Variants in SLC4A9 observed in about 807,000 individuals in gnomAD.
SLC4A9 encodes the protein solute carrier family 4 member 9, also known as anion exchange protein 4.
In SLC4A9, 102 loss-of-function variants were observed where a neutral mutation model predicts 103.2. That is an observed-to-expected ratio of 0.99 (90% confidence interval 0.84 to 1.17). The LOEUF (loss-of-function observed/expected upper bound fraction) is 1.17, where lower values mean the gene tolerates loss of function less well. Ranked by LOEUF, SLC4A9 falls within the 50% of genes most tolerant of loss-of-function variation. The probability of loss-of-function intolerance (pLI) is 0.00; values close to 1 mark genes in which losing one functional copy is unlikely to be tolerated. For missense variants in SLC4A9, 1,091 were observed against 1,193.7 expected, an observed-to-expected ratio of 0.91 and a Z score of 1.27; for synonymous variants, 453 against 483.6, an observed-to-expected ratio of 0.94 and a Z score of 0.83.
intron 1 of SLC4A9, 101 bp downstream of exon 1, chr5:140,360,567 G>T (rs575558530): frequency 8.2e-7 from 1 of 1,214,968 alleles, no homozygotes; most frequent in Non-Finnish European, 1.1e-6. Flanking sequence ...CCAAAATTAG[G>T]ATTTTCCCAG....
At position 140,363,630 on chromosome 5, in the gene SLC4A9, G is replaced by A. The variant is rs1767447491; in HGVS notation, c.1079+75G>A. The A allele has an allele frequency of 3.8e-6, 6 of 1,569,436 alleles. No homozygotes were observed. Among genetic ancestry groups the A allele is most frequent in the Non-Finnish European group, 5.2e-6 (6 of 1,154,760 alleles). ...GAGTCACAGGGAAACTGAGGTGTGT[G>A]CTCACTGTGGGAGGGGCTCACCCGG... On this transcript the variant is annotated intron_variant, in intron 8 of 21. Coordinates refer to ENST00000506757, the MANE Select transcript of SLC4A9 (RefSeq NM_031467.3). This position sits in a 1 kb window ranked among gnomAD's most constrained non-coding sequence, Gnocchi z 4.5.
intron 14 of SLC4A9, 61 bp downstream of exon 14, chr5:140,366,325 G>T: frequency 1.7e-6 from 2 of 1,202,124 alleles, no homozygotes; most frequent in Non-Finnish European, 2.3e-6. Flanking sequence ...CAGACCATGG[G>T]GAAGGAAAAT....
At position 140,363,445 on chromosome 5, in the gene SLC4A9, C is replaced by G. The variant is rs1165946853; in HGVS notation, c.969C>G (p.Pro323=). 1.3e-6 allele frequency: 2 copies of G among 1,551,324 alleles called. No homozygotes were observed. The highest frequency in any genetic ancestry group is 2.4e-5 in the South Asian group (2 of 84,052). Residue 323 remains proline (P), a synonymous_variant, in exon 8 of 22, where the codon CCC becomes CCG. Transcript: ENST00000506757. This position sits in a 1 kb window ranked among gnomAD's most constrained non-coding sequence, Gnocchi z 4.5. ...GGGTTCCCCTCCTCCTCAGGCTTCC[C>G]TCGCAACAGCGGGAGATCAGAGGTC... ...KCLPSQHKRL[P]SQQREIRGPA...
Position 140,363,356 on chromosome 5 carries a change from G to C in SLC4A9, c.963-83G>C, listed in dbSNP as rs1767391877. 6 of 1,295,978 alleles carry C rather than the reference G, an allele frequency of 4.6e-6. No individual in the cohort carries two copies. Among genetic ancestry groups the C allele is most frequent in the Non-Finnish European group, 6.4e-6 (6 of 930,834 alleles). 80.3% of individuals were successfully genotyped at this position (1,295,978 alleles called of 1,614,324 possible). A position where few individuals can be genotyped will look rare whatever the true frequency, so the allele number is the denominator to read the frequency against. On this transcript the variant is annotated intron_variant, in intron 7 of 21. Coordinates refer to ENST00000506757, the MANE Select transcript of SLC4A9 (RefSeq NM_031467.3). The surrounding 1 kb of genome is among the most constrained non-coding windows in gnomAD (Gnocchi z 4.5). ...CCGGCAGAGACAAGAGCAGCCGCTA[G>C]GGGGCAGGGCGCCACGAGCTCTGGA...
intron 3 of SLC4A9, among the ~76,000 whole-genome samples, 153 bp from the exon 4 acceptor site, chr5:140,361,654 AT>A (rs1264559633): frequency 6.6e-6 from 1 of 152,240 alleles, no homozygotes; most frequent in Non-Finnish European, 1.5e-5. Flanking sequence ...TACCACAATT[AT>A]CCCCATTTTA....
rs1767532084 is a variant in SLC4A9, at chr5:140,364,123, C to T, written c.1324C>T (p.Leu442Phe). The change falls in exon 10 of 22, where the codon CTC becomes TTC. Residue 442 changes from leucine (L) to phenylalanine (F), a missense_variant. Transcript: ENST00000506757. ...AAFCLMAGQP[L>F]TILSSTGPVL... Reference sequence around the variant, plus strand: ...CTTCTGCCTGATGGCAGGCCAGCCCCTCACCATTCTGAGCAGCACGGGGCC... The same window carrying T: ...CTTCTGCCTGATGGCAGGCCAGCCCTTCACCATTCTGAGCAGCACGGGGCC... 1.3e-6 allele frequency: 2 copies of T among 1,594,208 alleles called. No individual in the cohort carries two copies. The highest frequency in any genetic ancestry group is 1.7e-6 in the Non-Finnish European group (2 of 1,169,918).
chr5:140,364,661 G>C (rs1283515881), intron 11 of SLC4A9, 36 bp downstream of exon 11: 1 of 1,583,198 alleles, frequency 6.3e-7, no homozygotes, highest in African/African-American at 1.3e-5. Context: ...GTCAGGTGAA[G>C]AAGGATGTAG....
At chr5:140,365,402 C>A in intron 11 of SLC4A9, 118 bp from the exon 12 acceptor site, 3 of 791,070 alleles carry the variant, frequency 3.8e-6, no homozygotes, top group Non-Finnish European at 6.3e-6. Flanking sequence ...AGTCAGCAGA[C>A]AGATGAGTCA....
intron 4 of SLC4A9, 45 bp downstream of exon 4, chr5:140,361,908 G>A (rs777005728): frequency 8.7e-6 from 14 of 1,613,514 alleles, no homozygotes; most frequent in Non-Finnish European, 1.2e-5. Flanking sequence ...GCTGGGAGAG[G>A]GGTTAGAAAT....
At chr5:140,361,183 C>A in intron 2 of SLC4A9, 71 bp from the exon 3 acceptor site, 2 of 1,392,578 alleles carry the variant, frequency 1.4e-6, no homozygotes, top group Non-Finnish European at 9.9e-7. Context: ...GGTGTCTGGG[C>A]AGAGGGAGAA....
intron 17 of SLC4A9, among the ~76,000 whole-genome samples, chr5:140,370,152 G>C (rs1482094316): frequency 6.6e-6 from 1 of 152,002 alleles, no homozygotes; most frequent in African/African-American, 2.4e-5. Flanking sequence ...CCTGGTGAGA[G>C]GAGAAAGATT....
chr5:140,363,162 A>C lies in SLC4A9; in HGVS notation c.962+96A>C. 6.8e-7 allele frequency: 1 copy of C among 1,474,314 alleles called. No homozygotes were observed. Among genetic ancestry groups the C allele is most frequent in the Non-Finnish European group, 9.1e-7 (1 of 1,093,692 alleles). 91.3% of individuals were successfully genotyped at this position (1,474,314 alleles called of 1,614,324 possible). On this transcript the variant is annotated intron_variant, in intron 7 of 21. Coordinates refer to ENST00000506757, the MANE Select transcript of SLC4A9 (RefSeq NM_031467.3). This position sits in a 1 kb window ranked among gnomAD's most constrained non-coding sequence, Gnocchi z 4.5. ...AGGGGTGGTGTCCCAGGAAAGAGAT[A>C]GGGACCTATCTTTGGATTTGGAGTC...
intron 14 of SLC4A9, 111 bp downstream of exon 14, chr5:140,366,375 A>G: frequency 1.3e-6 from 1 of 746,830 alleles, no homozygotes; most frequent in Non-Finnish European, 2.2e-6. Context: ...TTCTTCACTA[A>G]TAAGCTAGAG....
chr5:140,367,878 C>T lies in SLC4A9; in HGVS notation c.2334C>T (p.Arg778=), dbSNP rs1239111857. The T allele has an allele frequency of 1.2e-6, 2 of 1,613,784 alleles. No homozygotes were observed. The highest frequency in any genetic ancestry group is 1.7e-6 in the Non-Finnish European group (2 of 1,179,820). The change falls in exon 16 of 22, where the codon CGC becomes CGT. Residue 778 remains arginine (R), a synonymous_variant. Coordinates refer to ENST00000506757, the MANE Select transcript of SLC4A9 (RefSeq NM_031467.3). ...GCAGAGCCTGTGCCCCCGGGGAGCG[C>T]CCCAACTTCCTGGGTATCAGGTGAG... ...RESRACAPGE[R]PNFLGIREQR...
chr5:140,370,923 C>T, intron 17 of SLC4A9, 172 bp from the exon 18 acceptor site: 3 of 584,578 alleles, frequency 5.1e-6, no homozygotes, highest in Non-Finnish European at 9.2e-6. Flanking sequence ...TTTACTTCAT[C>T]TAATTGATTT....
At chr5:140,371,781 ATGATAC>A (rs1398567737) in intron 19 of SLC4A9, among the ~76,000 whole-genome samples, 157 bp downstream of exon 19, 1 of 152,222 alleles carries the variant, frequency 6.6e-6, no homozygotes, top group Non-Finnish European at 1.5e-5. Context: ...AGATGGCAGG[ATGATAC>A]CTATGTATGG....
At chr5:140,374,283 G>A (rs572078327) in intron 21 of SLC4A9, among the ~76,000 whole-genome samples, 5 of 151,942 alleles carry the variant, frequency 3.3e-5, no homozygotes, top group Non-Finnish European at 5.9e-5. Flanking sequence ...AGCCAGGCCA[G>A]GCACGGTGGC....
Position 140,363,523 on chromosome 5 carries a change from C to G in SLC4A9, c.1047C>G (p.His349Gln). ...AGGACAGGCACCGCCATGGGCCACA[C>G]GCACACAGCCCGGAGTTGCAGCGGA... ...SAEDRHRHGP[H>Q]AHSPELQRTG... Residue 349 changes from histidine (H) to glutamine (Q), a missense_variant, in exon 8 of 22, where the codon CAC (histidine) becomes CAG (glutamine). By Grantham distance (24) the His-to-Gln change is conservative. Coordinates refer to ENST00000506757, the MANE Select transcript of SLC4A9 (RefSeq NM_031467.3). The surrounding 1 kb of genome is among the most constrained non-coding windows in gnomAD (Gnocchi z 4.5). The G allele has an allele frequency of 1.3e-6, 2 of 1,552,556 alleles. No individual in the cohort carries two copies. Among genetic ancestry groups the G allele is most frequent in the Non-Finnish European group, 8.7e-7 (1 of 1,147,814 alleles).
rs1767829404 is a variant in SLC4A9, at chr5:140,366,018, C to T, written c.1895C>T (p.Ser632Phe). 3.1e-6 allele frequency: 5 copies of T among 1,613,852 alleles called. No individual in the cohort carries two copies. In the Admixed American group the frequency reaches 8.3e-5, roughly 27 times the overall value. ...KCVKTSRFFP[S>F]VVRKGLSDFS... ...GTAAAGACCAGCCGCTTCTTCCCCT[C>T]TGTGGTGAGTTTCACCTTTCTTTCT... is the stretch of plus-strand genomic sequence containing the variant. Residue 632 changes from serine to phenylalanine, a missense_variant, in exon 13 of 22, where the codon TCT becomes TTT. Transcript: ENST00000506757.
Sources: allele counts gnomAD v4.1 joint callset (sites outside exome capture counted in the v4.1 genomes callset), GRCh38; gene constraint gnomAD v4.1.1; non-coding constraint Gnocchi (gnomAD v3.1); transcripts MANE v1.5; gene names NCBI Gene and HGNC (gene_info 2026-07-23, HGNC 2026-07-21).